OSBPL10: variants seen among roughly 807,000 people sequenced by gnomAD.
The protein encoded by OSBPL10 is oxysterol-binding protein-related protein 10.
OSBPL10 carries 49 observed loss-of-function variants against 81.7 expected under a neutral mutation model. That is an observed-to-expected ratio of 0.60 (90% CI 0.48 to 0.76). OSBPL10 has a LOEUF of 0.76. Among genes scored for constraint, OSBPL10 ranks in the 30% least tolerant of loss-of-function variants. The pLI is 0.00. For missense variants in OSBPL10, 923 were observed against 987.8 expected (o/e 0.93, Z 0.88); for synonymous variants, 419 against 383.6 (o/e 1.09, Z -1.08).
chr3:32,000,615 G>A (rs1295795032), intron 2 of OSBPL10, among the ~76,000 whole-genome samples: 1 of 152,228 alleles, frequency 6.6e-6, no homozygotes, highest in African/African-American at 2.4e-5. Flanking sequence ...GCTGTTCTCA[G>A]CACGGTTTGT....
intron 1 of OSBPL10, among the ~76,000 whole-genome samples, chr3:31,939,080 AATGCTCTCTT>A (rs1215236238): frequency 6.6e-6 from 1 of 151,360 alleles, no homozygotes. Flanking sequence ...CTACTACATT[AATGCTCTCTT>A]ATGCTCTCAC....
At chr3:31,966,002 A>G (rs1177750189) in intron 1 of OSBPL10, among the ~76,000 whole-genome samples, 1 of 133,898 alleles carries the variant, frequency 7.5e-6, no homozygotes, top group East Asian at 2.1e-4. Flanking sequence ...AATATAATAT[A>G]TATATATATA....
At chr3:31,897,565 G>C (rs1290362825) in intron 1 of OSBPL10, among the ~76,000 whole-genome samples, 1 of 152,162 alleles carries the variant, frequency 6.6e-6, no homozygotes, top group Non-Finnish European at 1.5e-5. Context: ...CAGGTTAGAT[G>C]AGAAAAAGCC....
intron 3 of OSBPL10, among the ~76,000 whole-genome samples, chr3:31,837,072 T>C (rs546166754): frequency 6.6e-6 from 1 of 152,142 alleles, no homozygotes; most frequent in Admixed American, 6.5e-5. Context: ...AGAAAACACC[T>C]GATTAGAGAT....
chr3:31,865,197 G>A (rs1255204829), intron 3 of OSBPL10, among the ~76,000 whole-genome samples: 1 of 152,062 alleles, frequency 6.6e-6, no homozygotes, highest in Non-Finnish European at 1.5e-5. Context: ...AAACCATTAA[G>A]TAATAGTGGA....
intron 1 of OSBPL10, among the ~76,000 whole-genome samples, chr3:32,059,930 A>T (rs1380799401): frequency 6.6e-6 from 1 of 152,096 alleles, no homozygotes; most frequent in Non-Finnish European, 1.5e-5. Flanking sequence ...GAAAAAAAAC[A>T]GGCTAAATTA....
chr3:31,764,347 G>A (rs1698139742), intron 4 of OSBPL10, among the ~76,000 whole-genome samples: 1 of 152,190 alleles, frequency 6.6e-6, no homozygotes, highest in Non-Finnish European at 1.5e-5. Flanking sequence ...TTCTGGGCAG[G>A]GCCCATAATG....
At chr3:32,066,850 A>AT (rs1287364413) in intron 1 of OSBPL10, among the ~76,000 whole-genome samples, 1 of 152,178 alleles carries the variant, frequency 6.6e-6, no homozygotes, top group Non-Finnish European at 1.5e-5. Flanking sequence ...AGCTCCTGTG[A>AT]TTGGCCCCAA....
chr3:31,950,975 A>G (rs1386152538), intron 1 of OSBPL10, among the ~76,000 whole-genome samples: 3 of 152,210 alleles, frequency 2.0e-5, no homozygotes, highest in Admixed American at 6.5e-5. Flanking sequence ...TTCTTTATAA[A>G]TTACCCAGTC....
At position 31,692,216 on chromosome 3, in the gene OSBPL10, G is replaced by A. The variant is rs575144767; in HGVS notation, c.1246-8102C>T. Among the ~76,000 whole-genome samples the A allele has an allele frequency of 2.0e-5, 3 of 152,288 alleles. No homozygotes were observed. In the South Asian group the frequency reaches 6.2e-4, roughly 32 times the overall value. ...GAACGTCATCCCTTAACAGTGACTA[G>A]CCATGTGTACGTGGCAAATTCATCT... On this transcript the variant is annotated intron_variant, in intron 7 of 11. Coordinates refer to ENST00000396556, the MANE Select transcript of OSBPL10 (RefSeq NM_017784.5).
At chr3:31,797,592 G>A (rs1185574410) in intron 4 of OSBPL10, among the ~76,000 whole-genome samples, 2 of 152,142 alleles carry the variant, frequency 1.3e-5, no homozygotes, top group Non-Finnish European at 2.9e-5. Flanking sequence ...TGATCTCAGA[G>A]GATATTTCCA....
chr3:31,863,517 G>A (rs971837817), intron 3 of OSBPL10, among the ~76,000 whole-genome samples: 1 of 152,224 alleles, frequency 6.6e-6, no homozygotes, highest in African/African-American at 2.4e-5. Context: ...TCTACTCTGT[G>A]CCTCAGTGTC....
At chr3:32,034,044 G>T (rs72855555) in intron 2 of OSBPL10, among the ~76,000 whole-genome samples, 1 of 152,084 alleles carries the variant, frequency 6.6e-6, no homozygotes, top group Non-Finnish European at 1.5e-5. Flanking sequence ...TTCTTCACAG[G>T]GCAGAAGGAT....
At chr3:31,834,815 G>A (rs1051100573) in intron 3 of OSBPL10, among the ~76,000 whole-genome samples, 1 of 152,164 alleles carries the variant, frequency 6.6e-6, no homozygotes, top group East Asian at 1.9e-4. Flanking sequence ...TGGACAGTGT[G>A]GGGAGTGATT....
intron 3 of OSBPL10, among the ~76,000 whole-genome samples, chr3:31,854,048 G>A (rs181331735): frequency 6.6e-6 from 1 of 152,200 alleles, no homozygotes; most frequent in East Asian, 1.9e-4. Context: ...TTTGATAGAT[G>A]CTGGCATAAC....
intron 1 of OSBPL10, among the ~76,000 whole-genome samples, chr3:32,053,456 C>T (rs1699683791): frequency 6.6e-6 from 1 of 152,120 alleles, no homozygotes; most frequent in Non-Finnish European, 1.5e-5. Context: ...TTGGACATTG[C>T]AATAAAAGCA....
At chr3:31,927,214 T>G (rs72851900) in intron 1 of OSBPL10, among the ~76,000 whole-genome samples, 8,498 of 152,202 alleles carry the variant, frequency 0.056, 443 homozygotes, top group African/African-American at 0.14. Context: ...ATTAAAACTA[T>G]TCATTACAAA....
At chr3:31,725,841 C>G (rs1696791429) in intron 6 of OSBPL10, among the ~76,000 whole-genome samples, 1 of 151,938 alleles carries the variant, frequency 6.6e-6, no homozygotes, top group Non-Finnish European at 1.5e-5. Context: ...CCTCATCGTT[C>G]ACATTCATTC....
chr3:31,917,545 T>G (rs917235731), intron 1 of OSBPL10, among the ~76,000 whole-genome samples: 36 of 140,832 alleles, frequency 2.6e-4, no homozygotes, highest in African/African-American at 9.9e-4. Context: ...TTTGTTTTTA[T>G]CAAGCAACCA....
Sources: gnomAD v4.1 joint callset for allele counts (sites outside exome capture counted in the v4.1 genomes callset) on GRCh38, gnomAD v4.1.1 for gene constraint, MANE v1.5 for transcripts, NCBI Gene and HGNC (gene_info 2026-07-23, HGNC 2026-07-21) for gene names.